Variants in SLC44A3 observed in about 807,000 individuals in gnomAD.
SLC44A3 encodes the protein solute carrier family 44 member 3, also known as choline transporter-like protein 3.
A neutral mutation model predicts 75.4 loss-of-function variants in SLC44A3; 74 were observed. That is an observed-to-expected ratio of 0.98 (90% confidence interval 0.81 to 1.19). SLC44A3 has a LOEUF of 1.19. Among genes scored for constraint, SLC44A3 ranks in the 50% most tolerant of loss-of-function variants. The probability of loss-of-function intolerance (pLI) is 0.00; values close to 1 mark genes in which losing one functional copy is unlikely to be tolerated. For synonymous variants in SLC44A3, 310 were observed against 296.9 expected, an observed-to-expected ratio of 1.04 and a Z score of -0.45; for missense variants, 700 against 778.6, an observed-to-expected ratio of 0.90 and a Z score of 1.20.
chr1:94,891,003 G>A, intron 12 of SLC44A3, 127 bp from the exon 13 acceptor site: 1 of 680,302 alleles, frequency 1.5e-6, no homozygotes, highest in Non-Finnish European at 2.3e-6. Flanking sequence ...CTTTGAAAAT[G>A]GTATTTGTTA....
At chr1:94,880,068 T>A (rs958217159) in intron 12 of SLC44A3, among the ~76,000 whole-genome samples, 4 of 152,146 alleles carry the variant, frequency 2.6e-5, no homozygotes, top group African/African-American at 9.7e-5. Flanking sequence ...GCACTGTTGG[T>A]GGAAATGTAA....
At chr1:94,828,845 A>C (rs1230900282) in intron 5 of SLC44A3, among the ~76,000 whole-genome samples, 2 of 152,230 alleles carry the variant, frequency 1.3e-5, no homozygotes, top group African/African-American at 4.8e-5. Flanking sequence ...TTCAAAGAAC[A>C]CTAGAGCTAG....
chr1:94,823,896 A>G (rs1040066216), intron 2 of SLC44A3, among the ~76,000 whole-genome samples: 4 of 152,212 alleles, frequency 2.6e-5, no homozygotes, highest in Non-Finnish European at 2.9e-5. Context: ...ATTCACTATG[A>G]GAGTGGATAA....
chr1:94,833,023 G>A (rs1662324739), intron 5 of SLC44A3, among the ~76,000 whole-genome samples: 1 of 151,328 alleles, frequency 6.6e-6, no homozygotes, highest in Non-Finnish European at 1.5e-5. Flanking sequence ...CTTCTCACTT[G>A]ATCGGAGGTT....
intron 7 of SLC44A3, among the ~76,000 whole-genome samples, chr1:94,840,548 C>T (rs1456249837): frequency 3.3e-5 from 5 of 152,066 alleles, no homozygotes; most frequent in Non-Finnish European, 7.4e-5. Flanking sequence ...CCTTGGCCTC[C>T]CAAAGTGCTG....
Position 94,828,585 on chromosome 1 carries a change from A to G in SLC44A3, c.508A>G (p.Ser170Gly), listed in dbSNP as rs1302507649. The stretch of plus-strand genomic sequence containing the variant: ...GTGTCCCAGGCTACCAGTTCCTCCA[A>G]GGTAAAAGCTTCCATACTTTTTCCT... ...SLCPRLPVPP[S>G]KSFPLFNRCV... The change falls in exon 5 of 15, where the codon AGC (serine) becomes GGC (glycine). Residue 170 changes from serine to glycine, a missense_variant and splice_region_variant. Ser to Gly is a moderately conservative substitution (Grantham distance 56). Coordinates refer to ENST00000271227, the MANE Select transcript of SLC44A3 (RefSeq NM_001114106.3). 2 of 1,613,550 alleles carry G rather than the reference A, an allele frequency of 1.2e-6. No individual in the cohort carries two copies. The highest frequency in any genetic ancestry group is 1.7e-5 in the Admixed American group (1 of 59,950).
At chr1:94,825,623 C>A (rs1278203753) in intron 3 of SLC44A3, among the ~76,000 whole-genome samples, 1 of 152,142 alleles carries the variant, frequency 6.6e-6, no homozygotes, top group African/African-American at 2.4e-5. Context: ...CCACCACACC[C>A]AGCCAAAAAC....
intron 12 of SLC44A3, among the ~76,000 whole-genome samples, chr1:94,888,320 G>A (rs1353537618): frequency 6.6e-6 from 1 of 152,202 alleles, no homozygotes; most frequent in African/African-American, 2.4e-5. Context: ...CTGTCTCATG[G>A]ATTCACCAGG....
chr1:94,845,657 A>G (rs1664312934), intron 9 of SLC44A3, among the ~76,000 whole-genome samples, 193 bp downstream of exon 9: 2 of 152,298 alleles, frequency 1.3e-5, no homozygotes, highest in Non-Finnish European at 1.5e-5. Flanking sequence ...TATTGGTTTT[A>G]AAGAAGCTGG....
chr1:94,888,965 G>T (rs185199201), intron 12 of SLC44A3, among the ~76,000 whole-genome samples: 1 of 151,814 alleles, frequency 6.6e-6, no homozygotes, highest in Admixed American at 6.6e-5. Flanking sequence ...TCACCATGTT[G>T]GTCAGGCTGG....
At position 94,845,444 on chromosome 1, in the gene SLC44A3, T is replaced by G. The variant is rs918059749; in HGVS notation, c.1052T>G (p.Leu351Arg). ...TTCTGGGTCCTCTGGGTGGCTGTGC[T>G]GCTGAGCCTGGGAACTGCAGGTAAG... ...IFFWVLWVAV[L>R]LSLGTAGAAQ... Residue 351 changes from leucine to arginine, a missense_variant, in exon 9 of 15, where the codon CTG becomes CGG. Transcript: ENST00000271227. 1.2e-6 allele frequency: 2 copies of G among 1,612,434 alleles called. No individual in the cohort carries two copies. Among genetic ancestry groups the G allele is most frequent in the Non-Finnish European group, 8.5e-7 (1 of 1,179,944 alleles).
intron 12 of SLC44A3, among the ~76,000 whole-genome samples, chr1:94,877,300 C>A (rs1043636555): frequency 6.6e-6 from 1 of 151,988 alleles, no homozygotes; most frequent in African/African-American, 2.4e-5. Context: ...TCTTTCTTCA[C>A]CTTTTCCCCT....
chr1:94,874,254 G>A (rs1668052499), intron 12 of SLC44A3, among the ~76,000 whole-genome samples: 1 of 152,178 alleles, frequency 6.6e-6, no homozygotes, highest in Admixed American at 6.5e-5. Context: ...ATGTTTCCTG[G>A]TGCATGGTTC....
chr1:94,867,407 A>C lies in SLC44A3; in HGVS notation c.1472A>C (p.His491Pro). The stretch of plus-strand genomic sequence containing the variant: ...TGGTGTCTTGACAAATACCTGCTCC[A>C]TCTCAACCAGGTACGTCTCTACCTC... ...CFWCLDKYLL[H>P]LNQNAYTTTA... is the part of the protein sequence containing the mutation. The change falls in exon 12 of 15, where the codon CAT becomes CCT. Residue 491 changes from histidine (H) to proline (P), a missense_variant. Coordinates refer to ENST00000271227, the MANE Select transcript of SLC44A3 (RefSeq NM_001114106.3). 6.2e-7 allele frequency: 1 copy of C among 1,605,598 alleles called. No individual in the cohort carries two copies. The highest frequency in any genetic ancestry group is 8.5e-7 in the Non-Finnish European group (1 of 1,175,056).
intron 10 of SLC44A3, among the ~76,000 whole-genome samples, chr1:94,858,663 G>A (rs571460484): frequency 7.0e-6 from 1 of 142,838 alleles, no homozygotes; most frequent in Admixed American, 7.0e-5. Flanking sequence ...ATGATAAGGA[G>A]CACTGTCGGG....
intron 10 of SLC44A3, among the ~76,000 whole-genome samples, chr1:94,860,900 G>A (rs12033639): frequency 0.16 from 24,241 of 152,204 alleles, 2,000 homozygotes; most frequent in African/African-American, 0.19. Context: ...CGCAGCAGGC[G>A]TGGAAAGCGT....
intron 12 of SLC44A3, among the ~76,000 whole-genome samples, chr1:94,887,649 T>G (rs1299837882): frequency 6.6e-6 from 1 of 152,176 alleles, no homozygotes; most frequent in African/African-American, 2.4e-5. Flanking sequence ...GGCAGTGATC[T>G]GCAGAAAAAG....
At chr1:94,876,309 G>C (rs1668278673) in intron 12 of SLC44A3, among the ~76,000 whole-genome samples, 1 of 152,212 alleles carries the variant, frequency 6.6e-6, no homozygotes, top group Admixed American at 6.5e-5. Flanking sequence ...CCATTAAATA[G>C]CTCCTACACC....
At chr1:94,850,661 T>G (rs907324489) in intron 9 of SLC44A3, among the ~76,000 whole-genome samples, 3 of 152,204 alleles carry the variant, frequency 2.0e-5, no homozygotes, top group Admixed American at 2.0e-4. Flanking sequence ...TTTGCCATTT[T>G]TGCAATGGAA....
Sources: allele counts gnomAD v4.1 joint callset (sites outside exome capture counted in the v4.1 genomes callset), GRCh38; gene constraint gnomAD v4.1.1; transcripts MANE v1.5; gene names NCBI Gene and HGNC (gene_info 2026-07-23, HGNC 2026-07-21).